CDH13: variants seen among roughly 807,000 people sequenced by gnomAD.
CDH13 encodes cadherin-13.
A neutral mutation model predicts 63.8 loss-of-function variants in CDH13; 24 were observed. That is an observed-to-expected ratio of 0.38 (90% CI 0.27 to 0.53). The LOEUF (loss-of-function observed/expected upper bound fraction) is 0.53. Among genes scored for constraint, CDH13 ranks in the 20% least tolerant of loss-of-function variants. CDH13 has a pLI of 0.85. For missense variants in CDH13, 1,049 were observed against 903.1 expected (o/e 1.16, Z -2.07); for synonymous variants, 503 against 355.3 (o/e 1.42, Z -4.67).
chr16:83,062,248 CT>C lies in CDH13; in HGVS notation c.366+30031del, dbSNP rs528800475. Among the ~76,000 whole-genome samples, 167 of 152,324 alleles carry C rather than the reference CT, an allele frequency of 1.1e-3. 2 individuals carry two copies. The highest frequency in any genetic ancestry group is 3.8e-3 in the African/African-American group (156 of 41,574). The stretch of plus-strand genomic sequence containing the variant: ...TCAACTTACTTAAATTGAGTACCCC[CT>C]GTCAGTTTTCTATCACAGTACCTCA... On this transcript the variant is annotated intron_variant, in intron 3 of 13. Coordinates refer to ENST00000567109, the MANE Select transcript of CDH13 (RefSeq NM_001257.5).
Position 82,966,948 on chromosome 16 carries a change from T to G in CDH13, c.158-65062T>G, listed in dbSNP as rs568116235. ...TTTATCCAATTACCGCACTAATGTT[T>G]TTTTATTGCAAAAGAAAATATTTTG... is the stretch of plus-strand genomic sequence containing the variant. On this transcript the variant is annotated intron_variant, in intron 2 of 13. Transcript: ENST00000567109. Among the ~76,000 whole-genome samples the G allele has an allele frequency of 3.1e-3, 465 of 152,332 alleles. 3 individuals are homozygous for G. Among genetic ancestry groups the G allele is most frequent in the Middle Eastern group, 0.02 (6 of 294 alleles).
intron 6 of CDH13, among the ~76,000 whole-genome samples, chr16:83,351,111 T>G (rs2090942636): frequency 6.6e-6 from 1 of 152,166 alleles, no homozygotes; most frequent in African/African-American, 2.4e-5. Flanking sequence ...TAAAGTCCCT[T>G]TTCTGGTTAC....
At chr16:82,799,096 A>G (rs1208894917) in intron 1 of CDH13, among the ~76,000 whole-genome samples, 2 of 152,312 alleles carry the variant, frequency 1.3e-5, no homozygotes, top group South Asian at 4.1e-4. Context: ...ATAGATAAAC[A>G]TGAAGATACT....
intron 6 of CDH13, among the ~76,000 whole-genome samples, chr16:83,362,964 G>C (rs1644283039): frequency 6.6e-6 from 1 of 152,112 alleles, no homozygotes; most frequent in African/African-American, 2.4e-5. Context: ...CTGTCCATGG[G>C]GTTTTTCCTT....
At chr16:83,316,228 C>T (rs899395283) in intron 5 of CDH13, among the ~76,000 whole-genome samples, 2 of 152,218 alleles carry the variant, frequency 1.3e-5, no homozygotes, top group Non-Finnish European at 2.9e-5. Context: ...CCTCCCCAAA[C>T]ACGTGGGGAT....
chr16:83,349,406 G>T (rs1460195085), intron 6 of CDH13, among the ~76,000 whole-genome samples: 19 of 152,086 alleles, frequency 1.2e-4, no homozygotes, highest in African/African-American at 4.3e-4. Context: ...TTTGCCCTCT[G>T]GTGGTTTCCT....
chr16:83,441,466 G>A (rs1437084545), intron 6 of CDH13, among the ~76,000 whole-genome samples: 1 of 152,176 alleles, frequency 6.6e-6, no homozygotes, highest in African/African-American at 2.4e-5. Context: ...GGTAGAATTA[G>A]GGATGGTTTT....
At chr16:83,117,486 T>C (rs1269439272) in intron 3 of CDH13, among the ~76,000 whole-genome samples, 5 of 152,226 alleles carry the variant, frequency 3.3e-5, no homozygotes, top group African/African-American at 7.2e-5. Flanking sequence ...CCCTCCTCCC[T>C]GCTGATCTTT....
At chr16:83,656,274 A>C (rs1449043682) in intron 8 of CDH13, among the ~76,000 whole-genome samples, 1 of 152,188 alleles carries the variant, frequency 6.6e-6, no homozygotes, top group Non-Finnish European at 1.5e-5. Flanking sequence ...CCTTCACAAC[A>C]TGAATAAATG....
intron 1 of CDH13, among the ~76,000 whole-genome samples, chr16:82,633,730 G>C (rs527375416): frequency 3.3e-4 from 51 of 152,292 alleles, no homozygotes; most frequent in African/African-American, 1.1e-3. Flanking sequence ...CCTGGAGCTT[G>C]TGTGATGTTT....
chr16:83,775,207 A>G (rs1197020132), intron 11 of CDH13, among the ~76,000 whole-genome samples: 1 of 151,766 alleles, frequency 6.6e-6, no homozygotes, highest in African/African-American at 2.4e-5. Flanking sequence ...CCATACCTAC[A>G]ATGAATTGGC....
At chr16:83,081,448 T>A (rs139307520) in intron 3 of CDH13, among the ~76,000 whole-genome samples, 1 of 152,184 alleles carries the variant, frequency 6.6e-6, no homozygotes, top group East Asian at 1.9e-4. Flanking sequence ...GTTTAGAGAA[T>A]AGGGTATACA....
chr16:83,381,928 G>A (rs184529058), intron 6 of CDH13, among the ~76,000 whole-genome samples: 105 of 152,182 alleles, frequency 6.9e-4, no homozygotes, highest in African/African-American at 2.5e-3. Context: ...GCAGAGCTCT[G>A]CCTGTGCACT....
intron 7 of CDH13, among the ~76,000 whole-genome samples, chr16:83,516,646 A>T (rs2151612487): frequency 6.6e-6 from 1 of 152,302 alleles, no homozygotes; most frequent in East Asian, 1.9e-4. Context: ...CCTCTTATTT[A>T]TAAAGGCAAT....
At chr16:82,968,337 G>A (rs1243003710) in intron 2 of CDH13, among the ~76,000 whole-genome samples, 1 of 152,156 alleles carries the variant, frequency 6.6e-6, no homozygotes, top group African/African-American at 2.4e-5. Flanking sequence ...TCTAGAAAAT[G>A]TGTAATTTTC....
rs192575346 is a variant in CDH13, at chr16:83,615,642, A to T, written c.1101+13048A>T. ...TTGTACAGAATGGTGGGGAATATCAATATTTAAAGAAATGGTATTTTTGGA... is the reference window on the plus strand; with the variant it reads ...TTGTACAGAATGGTGGGGAATATCATTATTTAAAGAAATGGTATTTTTGGA... On this transcript the variant is annotated intron_variant, in intron 8 of 13. Coordinates refer to ENST00000567109, the MANE Select transcript of CDH13 (RefSeq NM_001257.5). Among the ~76,000 whole-genome samples the T allele has an allele frequency of 8.5e-5, 13 of 152,300 alleles. No individual in the cohort carries two copies. In the East Asian group the frequency reaches 2.3e-3, roughly 27 times the overall value.
At chr16:83,270,668 C>T (rs1392977237) in intron 5 of CDH13, among the ~76,000 whole-genome samples, 4 of 152,170 alleles carry the variant, frequency 2.6e-5, no homozygotes. Context: ...ATAACTCTCC[C>T]TCACGCTTAG....
intron 10 of CDH13, among the ~76,000 whole-genome samples, chr16:83,713,738 G>T (rs1194266271): frequency 2.0e-5 from 3 of 152,094 alleles, no homozygotes; most frequent in African/African-American, 7.2e-5. Context: ...AGGGTTTGTG[G>T]GAAATATTCA....
At chr16:82,856,733 A>T (rs2039718167) in intron 1 of CDH13, among the ~76,000 whole-genome samples, 1 of 148,114 alleles carries the variant, frequency 6.8e-6, no homozygotes, top group African/African-American at 2.5e-5. Context: ...GAAACTTTAA[A>T]AGTCAAAAAA....
Sources: allele counts gnomAD v4.1 joint callset (sites outside exome capture counted in the v4.1 genomes callset), GRCh38; gene constraint gnomAD v4.1.1; transcripts MANE v1.5; gene names NCBI Gene and HGNC (gene_info 2026-07-23, HGNC 2026-07-21).